Variants in PITPNM2 observed in about 807,000 individuals in gnomAD.
The protein encoded by PITPNM2 is membrane-associated phosphatidylinositol transfer protein 2.
Under a neutral mutation model 132.2 loss-of-function variants are expected in PITPNM2, and 35 were observed. That is an observed-to-expected ratio of 0.26 (90% CI 0.20 to 0.35). The LOEUF is 0.35. PITPNM2 is among the 10% of genes least tolerant of loss of function. PITPNM2 has a pLI of 1.00. For synonymous variants in PITPNM2, 738 were observed against 799.2 expected (o/e 0.92, Z 1.29); for missense variants, 1,332 against 1,912.0 (o/e 0.70, Z 5.66).
intron 3 of PITPNM2, chr12:123,034,283 C>T (rs368114272): frequency 9.6e-6 from 5 of 518,344 alleles, no homozygotes; most frequent in South Asian, 6.5e-5. Context: ...GCGTTGTAGG[C>T]GGCGGGACAC....
intron 1 of PITPNM2, among the ~76,000 whole-genome samples, chr12:123,125,774 C>T (rs1343128031): frequency 7.0e-6 from 1 of 142,748 alleles, no homozygotes; most frequent in Non-Finnish European, 1.5e-5. Flanking sequence ...CCCCAGAGGC[C>T]GAGGTTGCAG....
chr12:123,062,059 C>A (rs1042281970), intron 2 of PITPNM2, among the ~76,000 whole-genome samples: 1 of 152,120 alleles, frequency 6.6e-6, no homozygotes, highest in African/African-American at 2.4e-5. Context: ...CTTCTCCCTG[C>A]CAAGTAGAGC....
chr12:123,039,275 A>G lies in PITPNM2; in HGVS notation c.-95-4590T>C, dbSNP rs904731305. The stretch of plus-strand genomic sequence containing the variant: ...CCCTGTCTCAAAAATAAATAAATAC[A>G]TAAAATTCAAAAAAAAAGAAAAAAT... On this transcript the variant is annotated intron_variant, in intron 2 of 25. Coordinates refer to ENST00000320201, the MANE Select transcript of PITPNM2 (RefSeq NM_020845.3). 4.6e-5 allele frequency among the ~76,000 whole-genome samples: 7 copies of G among 152,284 alleles called. No individual in the cohort carries two copies. In the East Asian group the frequency reaches 1.4e-3, roughly 29 times the overall value.
intron 1 of PITPNM2, among the ~76,000 whole-genome samples, chr12:123,118,193 A>C (rs1331924017): frequency 6.6e-6 from 1 of 152,250 alleles, no homozygotes. Flanking sequence ...GATATGTAGG[A>C]GATACACAGG....
rs73413234 is a variant in PITPNM2 at position 123,101,546 on chromosome 12, A to G, written c.-96+8839T>C. ...TAATGAAGAAATGGTTCTCCTTCCC[A>G]AGCCCCTCAAAGCACAAACCTTATT... is the stretch of plus-strand genomic sequence containing the variant. On this transcript the variant is annotated intron_variant, in intron 2 of 25. Coordinates refer to ENST00000320201, the MANE Select transcript of PITPNM2 (RefSeq NM_020845.3). 6.4e-3 allele frequency among the ~76,000 whole-genome samples: 982 copies of G among 152,330 alleles called. 14 individuals carry two copies. Among genetic ancestry groups the G allele is most frequent in the African/African-American group, 0.022 (926 of 41,564 alleles).
chr12:123,041,055 T>C (rs961628227), intron 2 of PITPNM2, among the ~76,000 whole-genome samples: 4 of 152,222 alleles, frequency 2.6e-5, no homozygotes, highest in African/African-American at 9.6e-5. Flanking sequence ...GGGCTGGTAG[T>C]GTTGTGATTA....
Position 122,983,884 on chromosome 12 carries a change from C to T in PITPNM2, c.*2143G>A, listed in dbSNP as rs1186721757. 1.3e-5 allele frequency: 2 copies of T among 152,660 alleles called. No individual in the cohort carries two copies. Among genetic ancestry groups the T allele is most frequent in the Non-Finnish European group, 1.5e-5 (1 of 68,062 alleles). The allele number at this position is 152,660 out of a possible 1,614,324, so 9.5% of individuals were successfully genotyped here. A position where few individuals can be genotyped will look rare whatever the true frequency, so the allele number is the denominator to read the frequency against. On this transcript the variant is annotated 3_prime_UTR_variant, in exon 26 of 26. Coordinates refer to ENST00000320201, the MANE Select transcript of PITPNM2 (RefSeq NM_020845.3). ...AGGCCTGAGCCCTGCAGCTCAGCAC[C>T]CAACTCTGTAAACATTTTTGGTATT...
intron 1 of PITPNM2, among the ~76,000 whole-genome samples, chr12:123,121,252 C>T (rs1015656399): frequency 6.6e-6 from 1 of 152,190 alleles, no homozygotes; most frequent in Non-Finnish European, 1.5e-5. Flanking sequence ...CACACACCTG[C>T]GATCCCAACA....
chr12:122,991,769 G>A (rs774772176), intron 16 of PITPNM2: 165 of 1,297,734 alleles, frequency 1.3e-4, no homozygotes, highest in Non-Finnish European at 1.5e-4. Flanking sequence ...GGCACAGCCC[G>A]GGCGGGGCCC....
chr12:123,127,271 G>A (rs1329168384), intron 1 of PITPNM2, among the ~76,000 whole-genome samples: 1 of 152,178 alleles, frequency 6.6e-6, no homozygotes, highest in African/African-American at 2.4e-5. Flanking sequence ...CATTTCCTGG[G>A]AGTCCAGGTC....
At chr12:123,079,743 C>G (rs1297150221) in intron 2 of PITPNM2, among the ~76,000 whole-genome samples, 1 of 152,098 alleles carries the variant, frequency 6.6e-6, no homozygotes, top group Non-Finnish European at 1.5e-5. Flanking sequence ...TAGATTCTAC[C>G]GCTTCTTCTC....
intron 2 of PITPNM2, chr12:123,084,072 A>C (rs4148862): frequency 0.69 from 104,707 of 152,222 alleles, 36,196 homozygotes; most frequent in Non-Finnish European, 0.71. Flanking sequence ...GGTTGGGGTG[A>C]CCCCGGGAAG....
chr12:123,086,566 A>G (rs1039490351), intron 2 of PITPNM2, among the ~76,000 whole-genome samples: 7 of 152,224 alleles, frequency 4.6e-5, no homozygotes, highest in African/African-American at 1.7e-4. Flanking sequence ...GACCACAACC[A>G]CAACTACTCT....
At position 123,000,646 on chromosome 12, in the gene PITPNM2, G is replaced by A. The variant is rs11061275; in HGVS notation, c.1224+132C>T. On this transcript the variant is annotated intron_variant, in intron 10 of 25. Coordinates refer to ENST00000320201, the MANE Select transcript of PITPNM2 (RefSeq NM_020845.3). The surrounding 1 kb of genome is among the most constrained non-coding windows in gnomAD (Gnocchi z 5.4). Reference sequence around the variant, plus strand: ...GGAGGCCCAGGCCTCTCCCCAGACAGTACCCAGGCAGGCGTGGAGGTGAGG... The same window carrying A: ...GGAGGCCCAGGCCTCTCCCCAGACAATACCCAGGCAGGCGTGGAGGTGAGG... The A allele has an allele frequency of 0.03, 31,183 of 1,028,892 alleles. 611 individuals carry two copies. The highest frequency in any genetic ancestry group is 0.045 in the South Asian group (3,038 of 67,614). 63.7% of individuals were successfully genotyped at this position (1,028,892 alleles called of 1,614,324 possible). A position where few individuals can be genotyped will look rare whatever the true frequency, so the allele number is the denominator to read the frequency against.
Position 123,095,772 on chromosome 12 carries a change from A to G in PITPNM2, c.-96+14613T>C, listed in dbSNP as rs1041547652. ...TGTGAAGGCGGTTCCCTCTACCAGG[A>G]AGACTCTCCCTTGTTTACACGCAAC... On this transcript the variant is annotated intron_variant, in intron 2 of 25. Coordinates refer to ENST00000320201, the MANE Select transcript of PITPNM2 (RefSeq NM_020845.3). The surrounding 1 kb of genome is among the most constrained non-coding windows in gnomAD (Gnocchi z 5.0). Among the ~76,000 whole-genome samples, 7 of 152,176 alleles carry G rather than the reference A, an allele frequency of 4.6e-5. No homozygotes were observed. Among genetic ancestry groups the G allele is most frequent in the African/African-American group, 1.7e-4 (7 of 41,434 alleles).
chr12:123,035,071 G>A (rs1374511530), intron 2 of PITPNM2, among the ~76,000 whole-genome samples: 1 of 152,334 alleles, frequency 6.6e-6, no homozygotes, highest in East Asian at 1.9e-4. Flanking sequence ...TCATGGAAAA[G>A]CAGGCAGATC....
chr12:122,987,950 G>T, intron 20 of PITPNM2, 49 bp from the exon 21 acceptor site: 3 of 1,520,824 alleles, frequency 2.0e-6, no homozygotes, highest in South Asian at 1.2e-5. Flanking sequence ...GGGCACCCCG[G>T]GTCCCTGTGT....
chr12:123,043,942 T>C (rs1488314332), intron 2 of PITPNM2, among the ~76,000 whole-genome samples: 2 of 152,194 alleles, frequency 1.3e-5, no homozygotes, highest in Non-Finnish European at 1.5e-5. Flanking sequence ...ATGATAAGCA[T>C]GGCATGAAGG....
At chr12:122,997,653 T>C in intron 10 of PITPNM2, 81 bp from the exon 11 acceptor site, 1 of 1,541,900 alleles carries the variant, frequency 6.5e-7, no homozygotes, top group Non-Finnish European at 8.8e-7. Context: ...TTGTTGGGGG[T>C]GTGCCTCTTG....
Sources: gnomAD v4.1 joint callset for allele counts (sites outside exome capture counted in the v4.1 genomes callset) on GRCh38, gnomAD v4.1.1 for gene constraint, Gnocchi (gnomAD v3.1) non-coding constraint, MANE v1.5 for transcripts, NCBI Gene and HGNC (gene_info 2026-07-23, HGNC 2026-07-21) for gene names.